Variants in HTR1F observed in about 807,000 individuals in gnomAD.
HTR1F encodes the protein 5-hydroxytryptamine receptor 1F, also known as 5-hydroxytryptamine (serotonin) receptor 1F, G protein-coupled.
Under a neutral mutation model 24.0 loss-of-function variants are expected in HTR1F, and 17 were observed. The ratio of observed to expected loss-of-function variants is 0.71; its 90% CI spans 0.48 to 1.06. The LOEUF is 1.06. Ranked by LOEUF, HTR1F falls within the 50% of genes least tolerant of loss-of-function variation. The pLI is 0.00. For synonymous variants in HTR1F, 186 were observed against 156.8 expected (o/e 1.19, Z -1.39); for missense variants, 391 against 427.8 (o/e 0.91, Z 0.76).
chr3:87,946,015 A>G (rs1376025303), intron 2 of HTR1F, among the ~76,000 whole-genome samples: 1 of 152,116 alleles, frequency 6.6e-6, no homozygotes, highest in Non-Finnish European at 1.5e-5. Flanking sequence ...CCACGCAGTG[A>G]GTGTTATAGC....
intron 2 of HTR1F, among the ~76,000 whole-genome samples, chr3:87,841,404 T>G (rs987256428): frequency 6.6e-6 from 1 of 151,890 alleles, no homozygotes; most frequent in African/African-American, 2.4e-5. Context: ...CAGCGAATAT[T>G]CTTTTTTACT....
chr3:87,966,761 A>G (rs1164331740), intron 2 of HTR1F, among the ~76,000 whole-genome samples: 1 of 152,208 alleles, frequency 6.6e-6, no homozygotes, highest in Non-Finnish European at 1.5e-5. Flanking sequence ...TCTTAAGTAC[A>G]TTAACTCATA....
chr3:87,835,955 C>T (rs1559599525), intron 2 of HTR1F, among the ~76,000 whole-genome samples: 2 of 152,168 alleles, frequency 1.3e-5, no homozygotes. Context: ...AGGACCCTAA[C>T]TTGATAATTT....
intron 2 of HTR1F, among the ~76,000 whole-genome samples, chr3:87,932,498 T>G (rs183126666): frequency 1.3e-5 from 2 of 152,276 alleles, no homozygotes; most frequent in African/African-American, 4.8e-5. Context: ...AGCTTTGTTC[T>G]TTTGGCTTAG....
At chr3:87,864,419 A>G (rs1178438774) in intron 2 of HTR1F, among the ~76,000 whole-genome samples, 1 of 152,168 alleles carries the variant, frequency 6.6e-6, no homozygotes, top group Non-Finnish European at 1.5e-5. Context: ...TAGAATTTAT[A>G]CATAGAATTC....
intron 2 of HTR1F, among the ~76,000 whole-genome samples, chr3:87,835,187 G>A (rs1454381790): frequency 3.3e-5 from 5 of 152,078 alleles, no homozygotes; most frequent in East Asian, 3.8e-4. Context: ...GATTTGAATC[G>A]TAACTCTGCT....
At chr3:87,954,568 A>G (rs1704904035) in intron 2 of HTR1F, among the ~76,000 whole-genome samples, 2 of 151,830 alleles carry the variant, frequency 1.3e-5, no homozygotes, top group Middle Eastern at 3.4e-3. Flanking sequence ...ATAAAGCAAA[A>G]GAAAATTTAA....
At chr3:87,958,773 C>T (rs1704999564) in intron 2 of HTR1F, among the ~76,000 whole-genome samples, 1 of 151,554 alleles carries the variant, frequency 6.6e-6, no homozygotes, top group South Asian at 2.1e-4. Flanking sequence ...TGCCATCTCT[C>T]TTGCCAATCT....
chr3:87,798,355 G>T (rs368468636), intron 1 of HTR1F, among the ~76,000 whole-genome samples: 5 of 151,882 alleles, frequency 3.3e-5, no homozygotes, highest in African/African-American at 1.2e-4. Context: ...TCTCTGCTCT[G>T]GGTCCCACAA....
intron 2 of HTR1F, among the ~76,000 whole-genome samples, chr3:87,895,887 G>T (rs1706186983): frequency 6.6e-6 from 1 of 152,152 alleles, no homozygotes; most frequent in African/African-American, 2.4e-5. Flanking sequence ...AAAAAAGACA[G>T]GCAGGGAGAG....
intron 2 of HTR1F, among the ~76,000 whole-genome samples, chr3:87,927,975 A>C (rs924843420): frequency 2.0e-5 from 3 of 152,106 alleles, no homozygotes; most frequent in African/African-American, 7.2e-5. Flanking sequence ...TAATAAACTT[A>C]ACAAATGATT....
intron 2 of HTR1F, among the ~76,000 whole-genome samples, chr3:87,943,830 G>T (rs549199936): frequency 1.3e-5 from 2 of 152,164 alleles, no homozygotes; most frequent in Non-Finnish European, 2.9e-5. Flanking sequence ...TACTGCAGAA[G>T]AATATAAATC....
intron 2 of HTR1F, among the ~76,000 whole-genome samples, chr3:87,845,938 C>T (rs1259481062): frequency 1.3e-5 from 2 of 151,830 alleles, no homozygotes; most frequent in African/African-American, 4.9e-5. Flanking sequence ...GGATTTTAGT[C>T]ATCATCAAAT....
rs555118233 is a variant in HTR1F, at chr3:87,951,883, T to C, written c.-42-38825T>C. Among the ~76,000 whole-genome samples, 4 of 152,200 alleles carry C rather than the reference T, an allele frequency of 2.6e-5. No individual in the cohort carries two copies. In the South Asian group the frequency reaches 6.2e-4, roughly 24 times the overall value. On this transcript the variant is annotated intron_variant, in intron 2 of 2. Coordinates refer to ENST00000319595, the MANE Select transcript of HTR1F (RefSeq NM_001322209.2). ...TGATCTTTGTACTGACTCAATAGTTTTGCCTTTTCCAGAATGTCATGTAGT... is the reference window on the plus strand; with the variant it reads ...TGATCTTTGTACTGACTCAATAGTTCTGCCTTTTCCAGAATGTCATGTAGT...
intron 2 of HTR1F, among the ~76,000 whole-genome samples, chr3:87,843,794 T>G (rs1339898357): frequency 5.3e-5 from 8 of 151,536 alleles, no homozygotes; most frequent in Non-Finnish European, 8.8e-5. Flanking sequence ...TTTCTGTTCT[T>G]GCGATAGTTT....
intron 2 of HTR1F, among the ~76,000 whole-genome samples, chr3:87,946,385 A>T (rs1473930723): frequency 6.6e-6 from 1 of 152,188 alleles, no homozygotes; most frequent in African/African-American, 2.4e-5. Flanking sequence ...TAGCCTGAAA[A>T]ATAATTTAAA....
At chr3:87,851,070 A>G (rs1279459108) in intron 2 of HTR1F, among the ~76,000 whole-genome samples, 5 of 151,720 alleles carry the variant, frequency 3.3e-5, no homozygotes, top group Admixed American at 3.3e-4. Context: ...CCCACCACCT[A>G]TATCTGTTTT....
intron 2 of HTR1F, among the ~76,000 whole-genome samples, chr3:87,908,402 C>T (rs1188643194): frequency 2.6e-5 from 4 of 151,864 alleles, no homozygotes; most frequent in Admixed American, 1.3e-4. Flanking sequence ...AAAGTCTTCT[C>T]GGTACCTTAT....
intron 2 of HTR1F, among the ~76,000 whole-genome samples, chr3:87,973,722 G>A (rs1705335480): frequency 6.6e-6 from 1 of 152,074 alleles, no homozygotes; most frequent in Non-Finnish European, 1.5e-5. Flanking sequence ...AAATTACTAG[G>A]ATTCACTTGC....
Sources: gnomAD v4.1 joint callset for allele counts (sites outside exome capture counted in the v4.1 genomes callset) on GRCh38, gnomAD v4.1.1 for gene constraint, MANE v1.5 for transcripts, NCBI Gene and HGNC (gene_info 2026-07-23, HGNC 2026-07-21) for gene names.